Variants in ACTR3C observed in about 807,000 individuals in gnomAD.
ACTR3C encodes the protein actin-related protein 3C.
Under a neutral mutation model 26.3 loss-of-function variants are expected in ACTR3C, and 18 were observed. The observed-to-expected ratio is 0.68, with a 90% confidence interval of 0.47 to 1.01. The LOEUF (loss-of-function observed/expected upper bound fraction) is 1.01, where lower values mean the gene tolerates loss of function less well. ACTR3C is among the 50% of genes least tolerant of loss of function. The pLI, the probability that ACTR3C is intolerant of heterozygous loss-of-function variation, is 0.00. For missense variants in ACTR3C, 184 were observed against 250.7 expected (o/e 0.73, Z 1.80); for synonymous variants, 55 against 94.5 (o/e 0.58, Z 2.42).
the ACTR3C span, among the ~76,000 whole-genome samples, chr7:150,135,309 G>A: frequency 2.4e-4 from 37 of 152,318 alleles, no homozygotes; most frequent in African/African-American, 8.7e-4. Flanking sequence ...AAAAGAATTA[G>A]TGCATGGAGA....
chr7:150,209,326 G>A, the ACTR3C span, among the ~76,000 whole-genome samples: 1 of 147,820 alleles, frequency 6.8e-6, no homozygotes, highest in Non-Finnish European at 1.5e-5. Flanking sequence ...GAGAGAGAGA[G>A]AGAGAGAAGT....
chr7:149,925,014 G>A, the ACTR3C span, among the ~76,000 whole-genome samples: 3 of 152,018 alleles, frequency 2.0e-5, no homozygotes, highest in Admixed American at 6.6e-5. Context: ...AAAGCAGCAC[G>A]TTATAAAATG....
At chr7:150,231,780 C>T in the ACTR3C span, among the ~76,000 whole-genome samples, 1 of 151,844 alleles carries the variant, frequency 6.6e-6, no homozygotes, top group Admixed American at 6.6e-5. Flanking sequence ...TGTTTTATGG[C>T]CCAGAATGTG....
chr7:150,122,523 C>A, the ACTR3C span, among the ~76,000 whole-genome samples: 7 of 152,186 alleles, frequency 4.6e-5, no homozygotes, highest in African/African-American at 1.7e-4. Context: ...AAATACAAAT[C>A]AAAACCACAA....
intron 6 of ACTR3C, among the ~76,000 whole-genome samples, chr7:150,259,273 A>AAAAGAAAG: frequency 6.7e-6 from 1 of 148,448 alleles, no homozygotes; most frequent in African/African-American, 2.6e-5. Flanking sequence ...AGAAGAAAGA[A>AAAAGAAAG]AAAGAAAGAA....
the ACTR3C span, among the ~76,000 whole-genome samples, chr7:149,932,177 T>C: frequency 5.3e-5 from 8 of 152,290 alleles, no homozygotes; most frequent in South Asian, 8.3e-4. Flanking sequence ...TTTAGATATA[T>C]TCTATAACAC....
At chr7:149,923,025 G>A in the ACTR3C span, among the ~76,000 whole-genome samples, 56,456 of 128,156 alleles carry the variant, frequency 0.44, 12,745 homozygotes, top group Middle Eastern at 0.6. Flanking sequence ...GGAGAAAGGG[G>A]GAGGGGAAGA....
intron 1 of ACTR3C, among the ~76,000 whole-genome samples, chr7:150,321,117 A>G (rs1041004997): frequency 1.1e-4 from 16 of 151,958 alleles, no homozygotes; most frequent in African/African-American, 3.6e-4. Context: ...GTATCTGATC[A>G]CCTCGGCTTG....
the ACTR3C span, among the ~76,000 whole-genome samples, chr7:149,983,205 C>T: frequency 1.1e-4 from 17 of 151,718 alleles, no homozygotes; most frequent in Non-Finnish European, 2.1e-4. Flanking sequence ...ATGACATTGG[C>T]CCAGGCAATG....
At chr7:150,299,488 AAAAAAAC>A in intron 1 of ACTR3C, among the ~76,000 whole-genome samples, 1 of 144,252 alleles carries the variant, frequency 6.9e-6, no homozygotes, top group South Asian at 2.1e-4. Flanking sequence ...AAAAAAAAAA[AAAAAAAC>A]AAAAAACAGG....
the ACTR3C span, among the ~76,000 whole-genome samples, chr7:150,208,725 G>A: frequency 7.9e-5 from 12 of 152,194 alleles, no homozygotes; most frequent in East Asian, 1.7e-3. Context: ...TATCCAGCAT[G>A]TACAAGATAA....
At chr7:150,267,938 T>C (rs1049585743) in intron 6 of ACTR3C, among the ~76,000 whole-genome samples, 5 of 152,198 alleles carry the variant, frequency 3.3e-5, no homozygotes, top group African/African-American at 1.2e-4. Flanking sequence ...TCACATCTTT[T>C]CAAACCGTAC....
At chr7:150,276,590 C>A (rs1834905095) in intron 6 of ACTR3C, among the ~76,000 whole-genome samples, 1 of 152,250 alleles carries the variant, frequency 6.6e-6, no homozygotes, top group Admixed American at 6.5e-5. Flanking sequence ...AGCCAATCTC[C>A]AGGTCCAGCC....
At chr7:150,112,898 G>A in the ACTR3C span, among the ~76,000 whole-genome samples, 4 of 152,078 alleles carry the variant, frequency 2.6e-5, no homozygotes, top group African/African-American at 9.7e-5. Flanking sequence ...ACTGGCCGGC[G>A]ACAAAGCACC....
At chr7:150,252,826 G>A (rs1832947064) in intron 6 of ACTR3C, among the ~76,000 whole-genome samples, 1 of 152,078 alleles carries the variant, frequency 6.6e-6, no homozygotes, top group South Asian at 2.1e-4. Context: ...CTTTTCAATG[G>A]CGTTAAGGTA....
the ACTR3C span, among the ~76,000 whole-genome samples, chr7:149,997,888 G>A: frequency 6.7e-6 from 1 of 149,566 alleles, no homozygotes; most frequent in Non-Finnish European, 1.5e-5. Flanking sequence ...ACATTTTATG[G>A]GGCAAGAATG....
At chr7:150,088,597 A>G in the ACTR3C span, among the ~76,000 whole-genome samples, 471 of 152,320 alleles carry the variant, frequency 3.1e-3, 8 homozygotes, top group African/African-American at 9.9e-3. Context: ...TGAAACGGAG[A>G]TAACACCTAC....
the ACTR3C span, among the ~76,000 whole-genome samples, chr7:150,198,563 C>G: frequency 6.7e-6 from 1 of 148,996 alleles, no homozygotes; most frequent in Non-Finnish European, 1.5e-5. Context: ...AGGAGCGTCT[C>G]TGCCCGGCCG....
chr7:149,996,464 A>G, the ACTR3C span, among the ~76,000 whole-genome samples: 2 of 150,238 alleles, frequency 1.3e-5, no homozygotes, highest in African/African-American at 4.9e-5. Flanking sequence ...AAACAGGCAA[A>G]GACAAACAGG....
Sources: allele counts gnomAD v4.1 joint callset (sites outside exome capture counted in the v4.1 genomes callset), GRCh38; gene constraint gnomAD v4.1.1; transcripts MANE v1.5; gene names NCBI Gene and HGNC (gene_info 2026-07-23, HGNC 2026-07-21).